ERBIN: variants seen among roughly 807,000 people sequenced by gnomAD.
ERBIN encodes densin-180-like protein.
ERBIN carries 60 observed loss-of-function variants against 158.4 expected under a neutral mutation model. The ratio of observed to expected loss-of-function variants is 0.38; its 90% CI spans 0.31 to 0.47. The LOEUF (loss-of-function observed/expected upper bound fraction) is 0.47, where lower values mean the gene tolerates loss of function less well. Among genes scored for constraint, ERBIN ranks in the 20% least tolerant of loss-of-function variants. ERBIN has a pLI of 0.99. For synonymous variants in ERBIN, 594 were observed against 557.2 expected, an observed-to-expected ratio of 1.07 and a Z score of -0.93; for missense variants, 1,610 against 1,648.0, an observed-to-expected ratio of 0.98 and a Z score of 0.40.
chr5:66,009,096 G>A (rs1198848754), intron 4 of ERBIN, among the ~76,000 whole-genome samples: 1 of 152,194 alleles, frequency 6.6e-6, no homozygotes, highest in Non-Finnish European at 1.5e-5. Context: ...TGGCGTCTGA[G>A]CATGACATGT....
At chr5:65,940,211 A>T (rs1486259803) in intron 1 of ERBIN, among the ~76,000 whole-genome samples, 2 of 148,876 alleles carry the variant, frequency 1.3e-5, no homozygotes, top group Non-Finnish European at 3.0e-5. Context: ...CCCGTCTGGG[A>T]TGTGAGGAGC....
At chr5:65,987,048 G>C (rs1323545845) in intron 1 of ERBIN, among the ~76,000 whole-genome samples, 2 of 152,128 alleles carry the variant, frequency 1.3e-5, no homozygotes, top group African/African-American at 2.4e-5. Context: ...GAGAGTGGTG[G>C]TGTCAGATGT....
At chr5:65,930,339 TC>T (rs1743211738) in intron 1 of ERBIN, among the ~76,000 whole-genome samples, 4 of 152,238 alleles carry the variant, frequency 2.6e-5, no homozygotes, top group Admixed American at 2.6e-4. Flanking sequence ...GGAGTCTTGC[TC>T]TGTCGCCCAG....
At chr5:66,010,028 TA>T (rs1164533807) in intron 4 of ERBIN, among the ~76,000 whole-genome samples, 1 of 152,216 alleles carries the variant, frequency 6.6e-6, no homozygotes, top group African/African-American at 2.4e-5. Context: ...ATAGTGGGTA[TA>T]TCAGTTTGCA....
At chr5:65,983,924 C>T (rs1750928545) in intron 1 of ERBIN, among the ~76,000 whole-genome samples, 1 of 152,198 alleles carries the variant, frequency 6.6e-6, no homozygotes, top group Non-Finnish European at 1.5e-5. Flanking sequence ...CAGGGCAGCA[C>T]ATATGAACCT....
At position 66,079,926 on chromosome 5, in the gene ERBIN, A is replaced by G. The variant is rs936427573; in HGVS notation, c.*1396A>G. The G allele has an allele frequency of 6.6e-6, 1 of 152,186 alleles. No individual in the cohort carries two copies. Among genetic ancestry groups the G allele is most frequent in the Non-Finnish European group, 1.5e-5 (1 of 68,006 alleles). The allele number at this position is 152,186 out of a possible 1,614,324, so 9.4% of individuals were successfully genotyped here. ...ATTTGTTTTTGTTCTATGTAATCAA[A>G]TAAAATTTGAGTAACATGTAATGGT... On this transcript the variant is annotated 3_prime_UTR_variant, in exon 26 of 26. Transcript: ENST00000284037.
At chr5:65,957,993 G>A (rs1203844621) in intron 1 of ERBIN, among the ~76,000 whole-genome samples, 13 of 151,948 alleles carry the variant, frequency 8.6e-5, no homozygotes, top group African/African-American at 2.7e-4. Context: ...GGTCGCGGCC[G>A]GGCAGAGGCG....
chr5:66,033,969 C>T (rs1279625680), intron 14 of ERBIN, among the ~76,000 whole-genome samples: 3 of 151,848 alleles, frequency 2.0e-5, no homozygotes, highest in East Asian at 3.9e-4. Flanking sequence ...ATTAGCCGGG[C>T]GTGGTGGCGT....
At chr5:65,959,616 T>TA (rs1170057189) in intron 1 of ERBIN, among the ~76,000 whole-genome samples, 1 of 152,186 alleles carries the variant, frequency 6.6e-6, no homozygotes, top group Non-Finnish European at 1.5e-5. Context: ...ACATTGGAAT[T>TA]ACACATAAAT....
At position 65,937,825 on chromosome 5, in the gene ERBIN, C is replaced by T. The variant is rs561955151; in HGVS notation, c.-58+11019C>T. Among the ~76,000 whole-genome samples, 4 of 152,298 alleles carry T rather than the reference C, an allele frequency of 2.6e-5. 1 individual carries two copies. The highest frequency in any genetic ancestry group is 9.6e-5 in the African/African-American group (4 of 41,554). On this transcript the variant is annotated intron_variant, in intron 1 of 25. Coordinates refer to ENST00000284037, the MANE Select transcript of ERBIN (RefSeq NM_001253697.2). ...TCGGGAGGCTGAGGCAGGAGAATGGCATGAACCCGGGAGGCGGAGCTTGTA... is the reference window on the plus strand; with the variant it reads ...TCGGGAGGCTGAGGCAGGAGAATGGTATGAACCCGGGAGGCGGAGCTTGTA...
Position 66,054,084 on chromosome 5 carries a change from A to G in ERBIN, c.2766A>G (p.Gln922=), listed in dbSNP as rs758738364. ...AGTCTGCCACACTGTTGTATGATCA[A>G]CCATTGCAGGTATTTACTGGTTCTT... ...RSKSATLLYD[Q]PLQVFTGSSS... is the part of the protein sequence containing the mutation. Residue 922 remains glutamine (Q), a synonymous_variant, in exon 21 of 26, where the codon CAA becomes CAG. Transcript: ENST00000284037. 3.1e-6 allele frequency: 5 copies of G among 1,614,080 alleles called. No homozygotes were observed. Among genetic ancestry groups the G allele is most frequent in the East Asian group, 4.5e-5 (2 of 44,896 alleles).
intron 14 of ERBIN, among the ~76,000 whole-genome samples, chr5:66,035,260 G>T (rs750260344): frequency 3.3e-4 from 50 of 152,072 alleles, no homozygotes; most frequent in Non-Finnish European, 6.0e-4. Flanking sequence ...CATTCATATA[G>T]CTCAATTCCT....
chr5:65,943,356 G>A (rs1402915850), intron 1 of ERBIN, among the ~76,000 whole-genome samples: 2 of 152,208 alleles, frequency 1.3e-5, no homozygotes, highest in Non-Finnish European at 2.9e-5. Context: ...TATTACTGAT[G>A]TTGAAATTAC....
At chr5:65,942,706 C>G (rs1745206564) in intron 1 of ERBIN, among the ~76,000 whole-genome samples, 1 of 152,142 alleles carries the variant, frequency 6.6e-6, no homozygotes, top group Non-Finnish European at 1.5e-5. Flanking sequence ...AGGCGGATCA[C>G]TTGAGGTCAG....
chr5:66,074,923 G>A, intron 22 of ERBIN, 101 bp from the exon 23 acceptor site: 1 of 992,126 alleles, frequency 1.0e-6, no homozygotes, highest in Non-Finnish European at 1.5e-6. Flanking sequence ...TAATTAGAAT[G>A]TGAAAACTCT....
intron 25 of ERBIN, 98 bp from the exon 26 acceptor site, chr5:66,078,325 A>G (rs2151315915): frequency 1.3e-6 from 1 of 761,138 alleles, no homozygotes; most frequent in Non-Finnish European, 2.2e-6. Flanking sequence ...AAGTTGCCAA[A>G]GTGATTCTTA....
chr5:66,046,871 A>G (rs1289270179), intron 18 of ERBIN, among the ~76,000 whole-genome samples: 5 of 152,192 alleles, frequency 3.3e-5, no homozygotes, highest in African/African-American at 1.2e-4. Context: ...CTTGAAAGTG[A>G]AAGATTTTTT....
chr5:65,957,901 G>C (rs1355262187), intron 1 of ERBIN, among the ~76,000 whole-genome samples: 14 of 151,812 alleles, frequency 9.2e-5, no homozygotes, highest in Non-Finnish European at 1.5e-4. Context: ...CTTCTCAGCC[G>C]GGGCGGCTGC....
In ERBIN at chr5:66,076,341, C is replaced by T. The variant is rs923858878; in HGVS notation, c.3989C>T (p.Pro1330Leu). ...ATTCGAGTGAGGGTTGAAAAGGATC[C>T]AGAACTTGGATTTAGCATATCAGGT... Reference protein sequence around the residue: ...QEIRVRVEKDPELGFSISGGV... With the variant: ...QEIRVRVEKDLELGFSISGGV... The change falls in exon 24 of 26, where the codon CCA becomes CTA. Residue 1330 changes from proline (P) to leucine (L), a missense_variant. By Grantham distance (98) the Pro-to-Leu change is moderately conservative (BLOSUM62 -3). Around this residue, in one of 2 missense-constraint regions of ERBIN, gnomAD observed 1,014 missense variants for 936.1 expected, o/e 1.08. Transcript: ENST00000284037. 1.9e-6 allele frequency: 3 copies of T among 1,613,224 alleles called. No individual in the cohort carries two copies. Among genetic ancestry groups the T allele is most frequent in the Non-Finnish European group, 2.5e-6 (3 of 1,179,770 alleles).
Sources: allele counts gnomAD v4.1 joint callset (sites outside exome capture counted in the v4.1 genomes callset), GRCh38; gene constraint gnomAD v4.1.1; regional missense constraint gnomAD v4.1.1; transcripts MANE v1.5; gene names NCBI Gene and HGNC (gene_info 2026-07-23, HGNC 2026-07-21).